The following CTNNA2 variants were observed in gnomAD, a reference collection of about 807,000 sequenced individuals.
CTNNA2 encodes catenin alpha 2.
Under a neutral mutation model 101.0 loss-of-function variants are expected in CTNNA2, and 42 were observed. That is an observed-to-expected ratio of 0.42 (90% CI 0.32 to 0.54). The LOEUF (loss-of-function observed/expected upper bound fraction) is 0.54. CTNNA2 is among the 20% of genes least tolerant of loss of function. The pLI, the probability that CTNNA2 is intolerant of heterozygous loss-of-function variation, is 0.14. For missense variants in CTNNA2, 871 were observed against 1,223.1 expected, an observed-to-expected ratio of 0.71 and a Z score of 4.29; for synonymous variants, 450 against 456.4, an observed-to-expected ratio of 0.99 and a Z score of 0.18.
At chr2:80,249,313 C>G (rs538918021) in intron 7 of CTNNA2, among the ~76,000 whole-genome samples, 5 of 152,162 alleles carry the variant, frequency 3.3e-5, no homozygotes, top group African/African-American at 4.8e-5. Context: ...GTGGATTACT[C>G]AACATCACTG....
chr2:80,270,091 T>A (rs556552551), intron 7 of CTNNA2, among the ~76,000 whole-genome samples: 1 of 152,168 alleles, frequency 6.6e-6, no homozygotes, highest in East Asian at 1.9e-4. Context: ...ATAATTTGTA[T>A]TTACATATGA....
At chr2:80,254,424 A>G (rs78635214) in intron 7 of CTNNA2, among the ~76,000 whole-genome samples, 1,710 of 152,278 alleles carry the variant, frequency 0.011, 29 homozygotes, top group African/African-American at 0.038. Flanking sequence ...AGTATTTGAA[A>G]CAGAATAAGA....
At chr2:80,065,405 C>T (rs958337115) in intron 7 of CTNNA2, among the ~76,000 whole-genome samples, 1 of 150,472 alleles carries the variant, frequency 6.6e-6, no homozygotes, top group African/African-American at 2.5e-5. Context: ...TGTCACCAGG[C>T]TGGAGTGCAG....
In CTNNA2 at chr2:80,052,485, C is replaced by T. The variant is rs376689163; in HGVS notation, c.1056+142688C>T. Among the ~76,000 whole-genome samples, 6 of 152,310 alleles carry T rather than the reference C, an allele frequency of 3.9e-5. No individual in the cohort carries two copies. The East Asian group carries it at 7.7e-4, about 20-fold the overall frequency. ...CATTTCACTCTGTGATTTGTTGCTG[C>T]TGATTTATCAATTTAGTAGATATGA... On this transcript the variant is annotated intron_variant, in intron 7 of 18. Coordinates refer to ENST00000402739, the MANE Select transcript of CTNNA2 (RefSeq NM_001282597.3).
intron 7 of CTNNA2, among the ~76,000 whole-genome samples, chr2:80,148,041 G>C (rs773795239): frequency 2.6e-5 from 4 of 152,122 alleles, no homozygotes; most frequent in Non-Finnish European, 5.9e-5. Flanking sequence ...CATTTTTTTA[G>C]AGCCAAGGAT....
chr2:79,336,980 G>A (rs1677009070), intron 3 of CTNNA2, among the ~76,000 whole-genome samples: 1 of 152,076 alleles, frequency 6.6e-6, no homozygotes, highest in Non-Finnish European at 1.5e-5. Flanking sequence ...CTGAGATCAA[G>A]CCTGCTTCTC....
chr2:80,397,608 T>C (rs1043139069), intron 8 of CTNNA2, among the ~76,000 whole-genome samples: 4 of 152,190 alleles, frequency 2.6e-5, no homozygotes, highest in Admixed American at 2.6e-4. Context: ...CCGTGTATGA[T>C]GTGACTTTGC....
chr2:80,115,157 A>G (rs190301875), intron 7 of CTNNA2, among the ~76,000 whole-genome samples: 31 of 152,316 alleles, frequency 2.0e-4, no homozygotes, highest in Middle Eastern at 6.8e-3. Context: ...GGCCTGACTG[A>G]GGCTTCATGC....
intron 3 of CTNNA2, among the ~76,000 whole-genome samples, chr2:79,763,291 T>C (rs1382465962): frequency 6.6e-6 from 1 of 152,218 alleles, no homozygotes; most frequent in East Asian, 1.9e-4. Context: ...TTTTGTTGAA[T>C]AATTCAGCTT....
intron 1 of CTNNA2, among the ~76,000 whole-genome samples, chr2:79,595,862 C>A (rs1426054296): frequency 6.6e-6 from 1 of 151,046 alleles, no homozygotes; most frequent in Non-Finnish European, 1.5e-5. Flanking sequence ...TTTCCAACTG[C>A]CTTCATTTTA....
intron 15 of CTNNA2, among the ~76,000 whole-genome samples, chr2:80,590,433 TG>T (rs3836000): frequency 0.35 from 30,877 of 88,860 alleles, 4,400 homozygotes; most frequent in African/African-American, 0.47. Flanking sequence ...TTTACTGTAG[TG>T]TTTTTTTTTC....
intron 7 of CTNNA2, among the ~76,000 whole-genome samples, chr2:80,186,795 C>A (rs1350597976): frequency 6.6e-6 from 1 of 152,168 alleles, no homozygotes; most frequent in Non-Finnish European, 1.5e-5. Context: ...TCTCTCTGCA[C>A]ATCCACACTT....
chr2:79,965,296 A>G (rs141247565), intron 7 of CTNNA2, among the ~76,000 whole-genome samples: 2 of 152,332 alleles, frequency 1.3e-5, no homozygotes, highest in African/African-American at 4.8e-5. Context: ...GCTAAGCTAC[A>G]AAATTTTAAA....
chr2:80,492,862 G>A (rs1687170257), intron 9 of CTNNA2, among the ~76,000 whole-genome samples: 1 of 152,036 alleles, frequency 6.6e-6, no homozygotes, highest in Non-Finnish European at 1.5e-5. Context: ...TTCTGTTTGA[G>A]TTATCCTTCA....
At chr2:79,984,606 G>A (rs1200982587) in intron 7 of CTNNA2, among the ~76,000 whole-genome samples, 1 of 152,150 alleles carries the variant, frequency 6.6e-6, no homozygotes, top group Non-Finnish European at 1.5e-5. Flanking sequence ...TGAGAATGAT[G>A]CCTTAGTTTG....
At position 80,171,501 on chromosome 2, in the gene CTNNA2, A is replaced by T. The variant is rs140961427; in HGVS notation, c.1057-221710A>T. Among the ~76,000 whole-genome samples the T allele has an allele frequency of 2.6e-4, 39 of 152,330 alleles. No homozygotes were observed. The East Asian group carries it at 7.3e-3, about 29-fold the overall frequency. ...TATCTGTTAAGATACTGTAACAAAG[A>T]AGCCCCCAAATATGTGACAACCCAA... On this transcript the variant is annotated intron_variant, in intron 7 of 18. Transcript: ENST00000402739.
At chr2:80,610,162 C>A (rs564255264) in intron 17 of CTNNA2, among the ~76,000 whole-genome samples, 16 of 151,622 alleles carry the variant, frequency 1.1e-4, no homozygotes, top group Non-Finnish European at 1.9e-4. Context: ...CTGCTCTTGG[C>A]TTCCTCATGA....
chr2:80,118,856 G>A (rs1157467963), intron 7 of CTNNA2, among the ~76,000 whole-genome samples: 2 of 152,350 alleles, frequency 1.3e-5, no homozygotes, highest in African/African-American at 4.8e-5. Flanking sequence ...GGCCTGATGT[G>A]AGTGCACTGG....
chr2:79,482,965 A>G (rs1339327155), intron 4 of CTNNA2, among the ~76,000 whole-genome samples: 1 of 152,212 alleles, frequency 6.6e-6, no homozygotes, highest in Non-Finnish European at 1.5e-5. Context: ...ACAACATAGA[A>G]TCATCCAGCA....
Sources: allele counts gnomAD v4.1 joint callset (sites outside exome capture counted in the v4.1 genomes callset), GRCh38; gene constraint gnomAD v4.1.1; transcripts MANE v1.5; gene names NCBI Gene and HGNC (gene_info 2026-07-23, HGNC 2026-07-21).